The following DOK6 variants were observed in gnomAD, a reference collection of about 807,000 sequenced individuals.
The protein encoded by DOK6 is downstream of tyrosine kinase 6.
A neutral mutation model predicts 44.0 loss-of-function variants in DOK6; 22 were observed. The observed-to-expected ratio is 0.50, with a 90% confidence interval of 0.36 to 0.71. The LOEUF is 0.71. Ranked by LOEUF, DOK6 falls within the 30% of genes least tolerant of loss-of-function variation. The probability of loss-of-function intolerance (pLI) is 0.00; values close to 1 mark genes in which losing one functional copy is unlikely to be tolerated. For missense variants in DOK6, 340 were observed against 416.4 expected (o/e 0.82, Z 1.60); for synonymous variants, 166 against 145.5 (o/e 1.14, Z -1.01).
Position 69,636,969 on chromosome 18 carries a change from A to T in DOK6, c.289+37471A>T, listed in dbSNP as rs77298530. Among the ~76,000 whole-genome samples the T allele has an allele frequency of 1.9e-3, 288 of 152,290 alleles. 1 individual carries two copies. Among genetic ancestry groups the T allele is most frequent in the African/African-American group, 6.6e-3 (276 of 41,556 alleles). Reference sequence around the variant, plus strand: ...GTGGAGTAGATGGTGTGTTTATAGGATGATTGTGTACATAGATGCCTTAAA... The same window carrying T: ...GTGGAGTAGATGGTGTGTTTATAGGTTGATTGTGTACATAGATGCCTTAAA... On this transcript the variant is annotated intron_variant, in intron 3 of 7. Transcript: ENST00000382713.
intron 1 of DOK6, among the ~76,000 whole-genome samples, chr18:69,445,710 T>C (rs1279204638): frequency 6.6e-6 from 1 of 152,148 alleles, no homozygotes; most frequent in Admixed American, 6.6e-5. Context: ...AGTAGTATTT[T>C]TTGGAGAATA....
At chr18:69,664,832 G>A (rs1985615671) in intron 3 of DOK6, among the ~76,000 whole-genome samples, 1 of 152,194 alleles carries the variant, frequency 6.6e-6, no homozygotes, top group Admixed American at 6.5e-5. Context: ...AAGAAACTGT[G>A]CAAAGGATCC....
intron 2 of DOK6, among the ~76,000 whole-genome samples, chr18:69,595,851 C>G (rs1271877247): frequency 6.6e-6 from 1 of 152,130 alleles, no homozygotes; most frequent in Non-Finnish European, 1.5e-5. Flanking sequence ...AAAGACCCCT[C>G]ATATATACTA....
At chr18:69,514,648 C>A (rs1981465385) in intron 1 of DOK6, among the ~76,000 whole-genome samples, 1 of 151,594 alleles carries the variant, frequency 6.6e-6, no homozygotes. Flanking sequence ...TGATTAATGT[C>A]ATTTAACCAG....
chr18:69,507,120 C>T (rs959081569), intron 1 of DOK6, among the ~76,000 whole-genome samples: 2 of 151,962 alleles, frequency 1.3e-5, no homozygotes, highest in South Asian at 2.1e-4. Flanking sequence ...CTCCACCTCC[C>T]GGGTTCAAGC....
intron 1 of DOK6, among the ~76,000 whole-genome samples, chr18:69,480,467 T>TCTAAAATATTTCTAAAATATAC (rs1980386979): frequency 6.6e-6 from 1 of 152,186 alleles, no homozygotes; most frequent in Non-Finnish European, 1.5e-5. Context: ...GTCTAATGTG[T>TCTAAAATATTTCTAAAATATAC]CTAAAATATT....
At chr18:69,836,870 A>G (rs1366336476) in intron 7 of DOK6, among the ~76,000 whole-genome samples, 1 of 152,212 alleles carries the variant, frequency 6.6e-6, no homozygotes, top group African/African-American at 2.4e-5. Context: ...AAAATGCTTA[A>G]TTATTTCTTT....
At chr18:69,817,332 C>A (rs1440781866) in intron 7 of DOK6, among the ~76,000 whole-genome samples, 1 of 152,070 alleles carries the variant, frequency 6.6e-6, no homozygotes, top group Non-Finnish European at 1.5e-5. Flanking sequence ...TAAAAATAAT[C>A]CTTAAGGTTA....
At chr18:69,474,227 C>T (rs765296367) in intron 1 of DOK6, among the ~76,000 whole-genome samples, 2 of 152,098 alleles carry the variant, frequency 1.3e-5, no homozygotes, top group African/African-American at 2.4e-5. Context: ...GCTCTGTCTT[C>T]TTTCCTCTCC....
At chr18:69,440,147 G>A (rs373224576) in intron 1 of DOK6, among the ~76,000 whole-genome samples, 12 of 152,252 alleles carry the variant, frequency 7.9e-5, no homozygotes, top group East Asian at 5.8e-4. Flanking sequence ...GTGGGAAATG[G>A]CTGGTCAGTG....
intron 3 of DOK6, among the ~76,000 whole-genome samples, chr18:69,627,932 C>T (rs959925674): frequency 2.6e-5 from 4 of 152,164 alleles, no homozygotes; most frequent in African/African-American, 9.7e-5. Context: ...GTGTAAAATA[C>T]AGAGATGTCA....
At chr18:69,622,722 G>C (rs992107942) in intron 3 of DOK6, among the ~76,000 whole-genome samples, 9 of 152,140 alleles carry the variant, frequency 5.9e-5, no homozygotes, top group Admixed American at 2.0e-4. Flanking sequence ...AGAAAATTGA[G>C]ATTCAGAGTT....
rs138663931 is a variant in DOK6 at position 69,620,271 on chromosome 18, G to T, written c.289+20773G>T. On this transcript the variant is annotated intron_variant, in intron 3 of 7. Transcript: ENST00000382713. ...AGTATTATACTCCATTATTTGCCAA[G>T]TTGTCATTTTCTTCCTCCAGATTGT... Among the ~76,000 whole-genome samples the T allele has an allele frequency of 8.3e-3, 1,259 of 152,188 alleles. 13 individuals are homozygous for T. The highest frequency in any genetic ancestry group is 0.013 in the Non-Finnish European group (898 of 67,988).
At chr18:69,436,587 C>A (rs1264365603) in intron 1 of DOK6, among the ~76,000 whole-genome samples, 1 of 152,118 alleles carries the variant, frequency 6.6e-6, no homozygotes, top group Non-Finnish European at 1.5e-5. Flanking sequence ...GGTTCCAAGT[C>A]TTTGCTATTG....
intron 7 of DOK6, among the ~76,000 whole-genome samples, chr18:69,795,943 C>CTG (rs1980732216): frequency 6.6e-6 from 1 of 151,624 alleles, no homozygotes; most frequent in Non-Finnish European, 1.5e-5. Context: ...AGCCACTGAA[C>CTG]TGTGATCCGA....
At chr18:69,810,344 A>G (rs1271485295) in intron 7 of DOK6, among the ~76,000 whole-genome samples, 1 of 152,066 alleles carries the variant, frequency 6.6e-6, no homozygotes. Flanking sequence ...TGTAAGACCT[A>G]GAACTGTAAA....
chr18:69,409,172 C>T (rs992599696), intron 1 of DOK6, among the ~76,000 whole-genome samples: 4 of 152,108 alleles, frequency 2.6e-5, no homozygotes, highest in African/African-American at 4.8e-5. Flanking sequence ...TGTCTCCTGC[C>T]GCCCTGTGAA....
intron 1 of DOK6, among the ~76,000 whole-genome samples, chr18:69,559,570 C>T (rs943092712): frequency 6.6e-6 from 1 of 152,066 alleles, no homozygotes; most frequent in South Asian, 2.1e-4. Flanking sequence ...TTTTTTACTT[C>T]CCCAATATTA....
At chr18:69,634,909 C>T (rs1984768250) in intron 3 of DOK6, among the ~76,000 whole-genome samples, 1 of 152,120 alleles carries the variant, frequency 6.6e-6, no homozygotes, top group South Asian at 2.1e-4. Context: ...CTTTCCTTCT[C>T]AGTAAACTCT....
Sources: allele counts gnomAD v4.1 joint callset (sites outside exome capture counted in the v4.1 genomes callset), GRCh38; gene constraint gnomAD v4.1.1; transcripts MANE v1.5; gene names NCBI Gene and HGNC (gene_info 2026-07-23, HGNC 2026-07-21).